The following SKAP2 variants were observed in gnomAD, a reference collection of about 807,000 sequenced individuals.
SKAP2 encodes the protein src kinase-associated phosphoprotein 2.
In SKAP2, 28 loss-of-function variants were observed where a neutral mutation model predicts 54.9. The ratio of observed to expected loss-of-function variants is 0.51; its 90% CI spans 0.38 to 0.70. SKAP2 has a LOEUF of 0.70. Ranked by LOEUF, SKAP2 falls within the 30% of genes least tolerant of loss-of-function variation. The pLI is 0.00. For synonymous variants in SKAP2, 137 were observed against 134.3 expected, an observed-to-expected ratio of 1.02 and a Z score of -0.14; for missense variants, 356 against 424.1, an observed-to-expected ratio of 0.84 and a Z score of 1.41.
At chr7:26,852,476 G>A (rs751033336) in intron 3 of SKAP2, among the ~76,000 whole-genome samples, 2 of 152,130 alleles carry the variant, frequency 1.3e-5, no homozygotes, top group Non-Finnish European at 2.9e-5. Context: ...TTTGTGATTA[G>A]TTAACTCAAT....
In SKAP2 at chr7:26,708,480, A is replaced by G. The variant is rs149609317; in HGVS notation, c.796+16948T>C. 2.9e-3 allele frequency among the ~76,000 whole-genome samples: 439 copies of G among 152,310 alleles called. 1 individual carries two copies. The highest frequency in any genetic ancestry group is 3.7e-3 in the Non-Finnish European group (253 of 68,018). On this transcript the variant is annotated intron_variant, in intron 9 of 12. Transcript: ENST00000345317. Reference sequence around the variant, plus strand: ...CATGAATATGAACTCCCGTTTCCCTATAACATTGAATGTGCTATAATCTGG... The same window carrying G: ...CATGAATATGAACTCCCGTTTCCCTGTAACATTGAATGTGCTATAATCTGG...
intron 4 of SKAP2, among the ~76,000 whole-genome samples, chr7:26,773,835 T>G (rs1157182514): frequency 6.6e-6 from 1 of 152,124 alleles, no homozygotes; most frequent in Non-Finnish European, 1.5e-5. Flanking sequence ...TATAGAAGCT[T>G]AACACATAAA....
intron 4 of SKAP2, among the ~76,000 whole-genome samples, chr7:26,787,319 TG>T (rs1239156688): frequency 2.3e-5 from 3 of 132,880 alleles, no homozygotes; most frequent in Admixed American, 7.5e-5. Context: ...GGCCTCAAGA[TG>T]GTTTTTTTTT....
At chr7:26,721,011 A>G (rs961610274) in intron 9 of SKAP2, among the ~76,000 whole-genome samples, 2 of 152,214 alleles carry the variant, frequency 1.3e-5, no homozygotes, top group Admixed American at 6.5e-5. Context: ...TTCACCATTC[A>G]GTACCTAGTT....
intron 1 of SKAP2, among the ~76,000 whole-genome samples, chr7:26,862,894 G>T (rs1262032471): frequency 1.3e-5 from 2 of 151,992 alleles, no homozygotes; most frequent in African/African-American, 2.4e-5. Flanking sequence ...TTGGAATAAT[G>T]ATAAACATTT....
intron 4 of SKAP2, among the ~76,000 whole-genome samples, chr7:26,750,444 G>C (rs1328981127): frequency 6.6e-6 from 1 of 151,470 alleles, no homozygotes; most frequent in South Asian, 2.1e-4. Context: ...CCAAGTAGCT[G>C]GGATTACAGG....
At chr7:26,827,979 A>C (rs1784525201) in intron 4 of SKAP2, among the ~76,000 whole-genome samples, 1 of 152,208 alleles carries the variant, frequency 6.6e-6, no homozygotes, top group Non-Finnish European at 1.5e-5. Context: ...ACATTCATAC[A>C]TACATACATA....
intron 3 of SKAP2, among the ~76,000 whole-genome samples, chr7:26,853,374 A>C (rs1449513431): frequency 2.0e-5 from 3 of 152,120 alleles, no homozygotes; most frequent in Admixed American, 6.5e-5. Context: ...GTACATCATA[A>C]CCTATGAATA....
intron 1 of SKAP2, among the ~76,000 whole-genome samples, chr7:26,859,655 T>C (rs911128677): frequency 2.6e-5 from 4 of 152,198 alleles, no homozygotes; most frequent in Non-Finnish European, 5.9e-5. Flanking sequence ...TGTTTAAAGG[T>C]AGGGCTGAAC....
At chr7:26,822,590 A>G (rs1784403658) in intron 4 of SKAP2, among the ~76,000 whole-genome samples, 1 of 151,954 alleles carries the variant, frequency 6.6e-6, no homozygotes, top group Non-Finnish European at 1.5e-5. Context: ...ATAACCCTAC[A>G]ATGGGCTGGG....
chr7:26,681,811 T>C (rs1312948329), intron 11 of SKAP2, among the ~76,000 whole-genome samples: 1 of 152,238 alleles, frequency 6.6e-6, no homozygotes, highest in African/African-American at 2.4e-5. Context: ...AATGTATTCT[T>C]CCTTATATAT....
At chr7:26,788,872 T>C (rs760841630) in intron 4 of SKAP2, among the ~76,000 whole-genome samples, 1 of 152,102 alleles carries the variant, frequency 6.6e-6, no homozygotes, top group Non-Finnish European at 1.5e-5. Context: ...GTATACAAAA[T>C]AGACTGACAA....
chr7:26,784,305 C>T (rs918203505), intron 4 of SKAP2, among the ~76,000 whole-genome samples: 1 of 152,120 alleles, frequency 6.6e-6, no homozygotes, highest in Non-Finnish European at 1.5e-5. Flanking sequence ...TGTTAATCTA[C>T]CTATTGTCAG....
chr7:26,687,682 A>T (rs1786677729), intron 10 of SKAP2, among the ~76,000 whole-genome samples: 1 of 152,144 alleles, frequency 6.6e-6, no homozygotes, highest in African/African-American at 2.4e-5. Context: ...ACTTTTTAAA[A>T]TTTAAAGTGT....
At chr7:26,812,499 G>T (rs1232924702) in intron 4 of SKAP2, among the ~76,000 whole-genome samples, 2 of 151,726 alleles carry the variant, frequency 1.3e-5, no homozygotes, top group Non-Finnish European at 2.9e-5. Flanking sequence ...CCTTAAAAAA[G>T]CACCATATGT....
At chr7:26,838,080 A>G (rs1480871886) in intron 4 of SKAP2, among the ~76,000 whole-genome samples, 2 of 152,158 alleles carry the variant, frequency 1.3e-5, no homozygotes, top group Non-Finnish European at 2.9e-5. Flanking sequence ...AAAATAAGTA[A>G]TGTAGCAAAG....
the SKAP2 span, among the ~76,000 whole-genome samples, chr7:26,657,282 G>C: frequency 6.6e-6 from 1 of 152,148 alleles, no homozygotes; most frequent in African/African-American, 2.4e-5. Context: ...GCCTTCGCAA[G>C]CTACAGCCCA....
At chr7:26,767,675 G>GAT (rs1453065469) in intron 4 of SKAP2, among the ~76,000 whole-genome samples, 4 of 152,026 alleles carry the variant, frequency 2.6e-5, no homozygotes, top group African/African-American at 7.3e-5. Flanking sequence ...TGTTCTCATT[G>GAT]GTTTCAAAGA....
intron 4 of SKAP2, among the ~76,000 whole-genome samples, chr7:26,839,408 C>G (rs948066154): frequency 2.6e-5 from 4 of 151,812 alleles, no homozygotes; most frequent in African/African-American, 9.7e-5. Context: ...TATAAGCTAG[C>G]AATTTGGCAT....
Sources: allele counts gnomAD v4.1 joint callset (sites outside exome capture counted in the v4.1 genomes callset), GRCh38; gene constraint gnomAD v4.1.1; transcripts MANE v1.5; gene names NCBI Gene and HGNC (gene_info 2026-07-23, HGNC 2026-07-21).